Variants in ANKS3 observed in about 807,000 individuals in gnomAD.
The protein encoded by ANKS3 is ankyrin repeat and SAM domain-containing protein 3.
A neutral mutation model predicts 80.7 loss-of-function variants in ANKS3; 62 were observed. The observed-to-expected ratio is 0.77, with a 90% CI of 0.63 to 0.95. The LOEUF (loss-of-function observed/expected upper bound fraction) is 0.95, where lower values mean the gene tolerates loss of function less well. Among genes scored for constraint, ANKS3 ranks in the 40% least tolerant of loss-of-function variants. ANKS3 has a pLI of 0.00. For synonymous variants in ANKS3, 489 were observed against 355.3 expected, an observed-to-expected ratio of 1.38 and a Z score of -4.23; for missense variants, 1,150 against 883.6, an observed-to-expected ratio of 1.30 and a Z score of -3.82.
chr16:4,706,082 G>C (rs938128334), intron 7 of ANKS3, among the ~76,000 whole-genome samples: 52 of 152,002 alleles, frequency 3.4e-4, no homozygotes, highest in African/African-American at 1.2e-3. Flanking sequence ...TATTTTAGTA[G>C]AGATGGGGTT....
In ANKS3 at chr16:4,698,503, G is replaced by C. The variant is rs566391799; in HGVS notation, c.1648C>G (p.Arg550Gly). The C allele has an allele frequency of 1.9e-6, 3 of 1,558,984 alleles. No homozygotes were observed. The highest frequency in any genetic ancestry group is 1.7e-6 in the Non-Finnish European group (2 of 1,160,176). ...ESCLLEQDRA[R>G]EDLQARLRET... ...CGCAGCCGGGCCTGGAGGTCCTCGC[G>C]GGCGCGGTCCTGCTCCAGCAGGCAG... is the stretch of plus-strand genomic sequence containing the variant. Residue 550 changes from arginine (R) to glycine (G), a missense_variant, in exon 14 of 18, where the codon CGC (arginine) becomes GGC (glycine). Physicochemically the swap from Arg to Gly is moderately radical, Grantham distance 125 (BLOSUM62 -2). Coordinates refer to ENST00000304283, the MANE Select transcript of ANKS3 (RefSeq NM_133450.4).
At chr16:4,721,000 A>G (rs1292215300) in intron 6 of ANKS3, among the ~76,000 whole-genome samples, 1 of 138,986 alleles carries the variant, frequency 7.2e-6, no homozygotes, top group African/African-American at 2.7e-5. Flanking sequence ...CCATGCCACC[A>G]TAAAAAAAAA....
At chr16:4,712,891 G>A (rs980340500) in intron 7 of ANKS3, among the ~76,000 whole-genome samples, 2 of 152,114 alleles carry the variant, frequency 1.3e-5, no homozygotes, top group Admixed American at 6.6e-5. Context: ...AAGATTATAT[G>A]TTAGTACACC....
chr16:4,732,078 G>T (rs1348106300), intron 1 of ANKS3, among the ~76,000 whole-genome samples: 1 of 152,158 alleles, frequency 6.6e-6, no homozygotes, highest in Admixed American at 6.6e-5. Flanking sequence ...AAAGAAACAA[G>T]CCACCAATGT....
intron 7 of ANKS3, among the ~76,000 whole-genome samples, chr16:4,710,414 A>G (rs1403615549): frequency 6.6e-6 from 1 of 152,170 alleles, no homozygotes; most frequent in Non-Finnish European, 1.5e-5. Flanking sequence ...AAAATGAGAT[A>G]AATATTTTCC....
At chr16:4,698,626 G>A (rs755711502) in intron 13 of ANKS3, 27 bp from the exon 14 acceptor site, 2 of 1,538,420 alleles carry the variant, frequency 1.3e-6, no homozygotes, top group South Asian at 1.2e-5. Context: ...GGCGCGGGGA[G>A]GCTGGGAGGT....
At chr16:4,703,699 C>T (rs1226436040) in intron 8 of ANKS3, among the ~76,000 whole-genome samples, 2 of 152,206 alleles carry the variant, frequency 1.3e-5, no homozygotes, top group African/African-American at 4.8e-5. Flanking sequence ...GCGTGAGCCA[C>T]TGCGCCCGGC....
chr16:4,726,940 C>G (rs1266938638), intron 4 of ANKS3, 39 bp downstream of exon 4: 2 of 1,612,280 alleles, frequency 1.2e-6, no homozygotes, highest in East Asian at 2.2e-5. Context: ...GGCCACGGAG[C>G]CCCTCAGGTT....
At chr16:4,724,359 G>C (rs192632248) in intron 6 of ANKS3, among the ~76,000 whole-genome samples, 1 of 152,214 alleles carries the variant, frequency 6.6e-6, no homozygotes, top group African/African-American at 2.4e-5. Flanking sequence ...TCTTTCCACA[G>C]CAGAGGAAAA....
chr16:4,726,909 G>T, intron 4 of ANKS3, 70 bp downstream of exon 4: 3 of 1,606,918 alleles, frequency 1.9e-6, no homozygotes, highest in Non-Finnish European at 2.5e-6. Context: ...GGCCTGCAGT[G>T]GTTCGCATCT....
chr16:4,729,255 G>GAA, intron 3 of ANKS3: 1 of 152,478 alleles, frequency 6.6e-6, no homozygotes. Flanking sequence ...CAGAGGCACT[G>GAA]AAAGCCCAGC....
chr16:4,729,542 G>C (rs138348389), intron 3 of ANKS3: 3,611 of 152,182 alleles, frequency 0.024, 54 homozygotes, highest in Non-Finnish European at 0.03. Context: ...TATATTTTTA[G>C]TAGAGATGGG....
intron 5 of ANKS3, 165 bp from the exon 6 acceptor site, chr16:4,724,996 A>T (rs2081284509): frequency 3.5e-6 from 2 of 569,914 alleles, no homozygotes; most frequent in Admixed American, 6.7e-5. Context: ...AGTGAATATA[A>T]CACATCAGCT....
chr16:4,720,160 C>G (rs2081013973), intron 6 of ANKS3, among the ~76,000 whole-genome samples: 3 of 101,962 alleles, frequency 2.9e-5, no homozygotes, highest in African/African-American at 4.3e-5. Flanking sequence ...AGACCCCACC[C>G]CAAAAAAAAA....
chr16:4,730,018 G>A lies in ANKS3; in HGVS notation c.132C>T (p.Ser44=). 6.4e-7 allele frequency: 1 copy of A among 1,568,570 alleles called. No individual in the cohort carries two copies. The part of the protein sequence containing the change: ...DVPLDLHTAA[S]IGQYEVVKEC... ...CCTTCACCACTTCATACTGGCCAATGGAAGCAGCTGTGTGAAGATCCAGGG... is the reference window on the plus strand; with the variant it reads ...CCTTCACCACTTCATACTGGCCAATAGAAGCAGCTGTGTGAAGATCCAGGG... Residue 44 remains serine (S), a synonymous_variant, in exon 3 of 18, where the codon TCC becomes TCT. Coordinates refer to ENST00000304283, the MANE Select transcript of ANKS3 (RefSeq NM_133450.4).
intron 8 of ANKS3, among the ~76,000 whole-genome samples, chr16:4,703,749 T>A (rs1446657549): frequency 1.3e-5 from 2 of 152,164 alleles, no homozygotes; most frequent in Non-Finnish European, 2.9e-5. Flanking sequence ...ATATATGCAC[T>A]TATAGAAAAT....
In ANKS3 at chr16:4,734,123, C is replaced by A. The variant is rs1239002304; in HGVS notation, c.-256G>T. 1.6e-5 allele frequency: 12 copies of A among 765,878 alleles called. No individual in the cohort carries two copies. The highest frequency in any genetic ancestry group is 1.9e-5 in the Non-Finnish European group (12 of 629,572). 47.4% of individuals were successfully genotyped at this position (765,878 alleles called of 1,614,324 possible). A position where few individuals can be genotyped will look rare whatever the true frequency, so the allele number is the denominator to read the frequency against. On this transcript the variant is annotated 5_prime_UTR_variant, in exon 1 of 18. Coordinates refer to ENST00000304283, the MANE Select transcript of ANKS3 (RefSeq NM_133450.4). ...GGTCTAGGCGGGCTGCAGGTGCCGG[C>A]AAGTGCTGGGGCCGGGCCGCCGCGG...
At chr16:4,704,097 C>A (rs2080063086) in intron 8 of ANKS3, among the ~76,000 whole-genome samples, 1 of 152,190 alleles carries the variant, frequency 6.6e-6, no homozygotes, top group African/African-American at 2.4e-5. Context: ...GGCCCTCATG[C>A]TGTGGTGGGG....
rs2142037990 is a variant in ANKS3, at chr16:4,702,179, T to C, written c.932A>G (p.Glu311Gly). The C allele has an allele frequency of 6.3e-7, 1 of 1,594,170 alleles. No homozygotes were observed. The stretch of plus-strand genomic sequence containing the variant: ...GGTGACATCCCGGCAGCAGAGGCCC[T>C]CTTCTTCCAGGGGGTTCTCGCCACT... Reference protein sequence around the residue: ...NSSGENPLEEEGLCCRDVTSP... With the variant: ...NSSGENPLEEGGLCCRDVTSP... The change falls in exon 9 of 18, where the codon GAG becomes GGG. Residue 311 changes from glutamate to glycine, a missense_variant. Transcript: ENST00000304283.
Sources: gnomAD v4.1 joint callset for allele counts (sites outside exome capture counted in the v4.1 genomes callset) on GRCh38, gnomAD v4.1.1 for gene constraint, MANE v1.5 for transcripts, NCBI Gene and HGNC (gene_info 2026-07-23, HGNC 2026-07-21) for gene names.